A4GALT: variants seen among roughly 807,000 people sequenced by gnomAD.
A4GALT encodes the protein lactosylceramide 4-alpha-galactosyltransferase.
For missense variants in A4GALT, 512 were observed against 486.0 expected (o/e 1.05, Z -0.50); for synonymous variants, 257 against 220.7 (o/e 1.16, Z -1.46).
At chr22:42,714,119 A>G (rs550083362) in intron 1 of A4GALT, among the ~76,000 whole-genome samples, 1 of 151,938 alleles carries the variant, frequency 6.6e-6, no homozygotes, top group African/African-American at 2.4e-5. Context: ...ACATCACTAC[A>G]AAAAATAAAA....
Position 42,693,374 on chromosome 22 carries a change from G to C in A4GALT, c.578C>G (p.Thr193Arg). Residue 193 changes from threonine to arginine, a missense_variant, in exon 3 of 3, where the codon ACG becomes AGG. Transcript: ENST00000642412. The stretch of plus-strand genomic sequence containing the variant: ...CAGGTTCTTGAGAACAATGAAGTCC[G>C]TGTCCAGGTAGATGCCGCCGAACTT... ...MWKFGGIYLD[T>R]DFIVLKNLRN... 6.2e-7 allele frequency: 1 copy of C among 1,613,342 alleles called. No individual in the cohort carries two copies.
intron 1 of A4GALT, among the ~76,000 whole-genome samples, chr22:42,711,674 C>T (rs957454822): frequency 4.5e-4 from 69 of 152,012 alleles, no homozygotes; most frequent in Admixed American, 4.6e-4. Flanking sequence ...CGCTCTGTTG[C>T]CCAGGCTGCA....
At chr22:42,697,701 C>G (rs971938992) in intron 1 of A4GALT, among the ~76,000 whole-genome samples, 1 of 152,216 alleles carries the variant, frequency 6.6e-6, no homozygotes, top group Non-Finnish European at 1.5e-5. Flanking sequence ...CAGGTGACCT[C>G]AGGCCCAAAG....
intron 1 of A4GALT, among the ~76,000 whole-genome samples, chr22:42,706,331 G>A (rs1396098246): frequency 7.2e-6 from 1 of 138,176 alleles, no homozygotes; most frequent in Non-Finnish European, 1.5e-5. Context: ...CTCCAGCCTG[G>A]GTGACAGAGC....
At chr22:42,714,959 G>T (rs1013518455) in intron 1 of A4GALT, among the ~76,000 whole-genome samples, 1 of 151,664 alleles carries the variant, frequency 6.6e-6, no homozygotes, top group East Asian at 1.9e-4. Context: ...TGGAGTAAGT[G>T]ACTCAGGGAG....
chr22:42,697,069 T>C (rs1210047268), intron 1 of A4GALT, among the ~76,000 whole-genome samples: 1 of 151,816 alleles, frequency 6.6e-6, no homozygotes, highest in Non-Finnish European at 1.5e-5. Context: ...CATAACCCCA[T>C]GAGGATAGGT....
chr22:42,711,397 C>CA (rs1399549435), intron 1 of A4GALT, among the ~76,000 whole-genome samples: 1 of 152,256 alleles, frequency 6.6e-6, no homozygotes, highest in African/African-American at 2.4e-5. Flanking sequence ...ACATCTATCT[C>CA]ACTCTGGGGC....
Position 42,708,581 on chromosome 22 carries a change from G to A in A4GALT, c.-188+12216C>T, listed in dbSNP as rs1921374897. On this transcript the variant is annotated intron_variant, in intron 1 of 2. Coordinates refer to ENST00000642412, the MANE Select transcript of A4GALT (RefSeq NM_017436.7). ...AGGAAGGAAGGAAGGAAGGAAGGAA[G>A]GAAGGAAGGAAAAGAAATCAATTAG... 5.3e-5 allele frequency among the ~76,000 whole-genome samples: 8 copies of A among 150,910 alleles called. No homozygotes were observed. The South Asian group carries it at 1.7e-3, about 32-fold the overall frequency.
rs377531578 is a variant in A4GALT at position 42,693,756 on chromosome 22, G to T, written c.196C>A (p.Pro66Thr). The T allele has an allele frequency of 1.9e-6, 3 of 1,606,258 alleles. No homozygotes were observed. The highest frequency in any genetic ancestry group is 2.5e-6 in the Non-Finnish European group (3 of 1,176,590). ...GGGCCGTGGGAGGGTGGGGTGGGGG[G>T]TGTCAAGGTGGGGCAGGGGATCTCT... ...PAEIPCPTLTPPTPPSHGPTP... is the reference protein window; with the variant it reads ...PAEIPCPTLTTPTPPSHGPTP... The change falls in exon 3 of 3, where the codon CCC (proline) becomes ACC (threonine). Residue 66 changes from proline (P) to threonine (T), a missense_variant. Transcript: ENST00000642412.
intron 1 of A4GALT, among the ~76,000 whole-genome samples, chr22:42,698,414 G>A (rs909163579): frequency 4.6e-5 from 7 of 152,192 alleles, no homozygotes; most frequent in African/African-American, 1.4e-4. Flanking sequence ...CTCCAAGCTG[G>A]TGCTTTTCAT....
intron 1 of A4GALT, among the ~76,000 whole-genome samples, chr22:42,711,420 A>T (rs989337488): frequency 1.3e-5 from 2 of 152,344 alleles, no homozygotes; most frequent in African/African-American, 4.8e-5. Context: ...TATCCTACAG[A>T]TGAATGACAT....
At position 42,693,808 on chromosome 22, in the gene A4GALT, C is replaced by T; in HGVS notation, c.144G>A (p.Glu48=). 6.2e-7 allele frequency: 1 copy of T among 1,604,436 alleles called. No individual in the cohort carries two copies. Among genetic ancestry groups the T allele is most frequent in the Non-Finnish European group, 8.5e-7 (1 of 1,175,766 alleles). The change falls in exon 3 of 3, where the codon GAG becomes GAA. Residue 48 remains glutamate (E), a synonymous_variant. Transcript: ENST00000642412. ...IYWHVVGEPK[E]KGQLYNLPAE... Reference sequence around the variant, plus strand: ...CTGGCAGGTTATAGAGCTGCCCTTTCTCCTTGGGCTCTCCCACAACGTGCC... The same window carrying T: ...CTGGCAGGTTATAGAGCTGCCCTTTTTCCTTGGGCTCTCCCACAACGTGCC...
At chr22:42,695,296 G>T (rs1930846974) in intron 2 of A4GALT, 195 bp downstream of exon 2, 1 of 152,278 alleles carries the variant, frequency 6.6e-6, no homozygotes, top group African/African-American at 2.4e-5. Context: ...TGGGCATAAA[G>T]TCAAGGGACT....
intron 1 of A4GALT, among the ~76,000 whole-genome samples, chr22:42,716,390 G>A (rs1922179566): frequency 6.6e-6 from 1 of 152,170 alleles, no homozygotes; most frequent in Non-Finnish European, 1.5e-5. Context: ...TGTCAGGCCT[G>A]GAGCTGTGTG....
chr22:42,711,147 A>G (rs2147027832), intron 1 of A4GALT, among the ~76,000 whole-genome samples: 1 of 152,338 alleles, frequency 6.6e-6, no homozygotes, highest in African/African-American at 2.4e-5. Flanking sequence ...CCCCAAAACA[A>G]AATGGGCCAA....
At chr22:42,716,151 C>T (rs1922157787) in intron 1 of A4GALT, among the ~76,000 whole-genome samples, 1 of 152,090 alleles carries the variant, frequency 6.6e-6, no homozygotes, top group South Asian at 2.1e-4. Context: ...TAATTTAAAT[C>T]TTCAGATATG....
At chr22:42,700,305 A>G (rs1257691418) in intron 1 of A4GALT, among the ~76,000 whole-genome samples, 2 of 152,350 alleles carry the variant, frequency 1.3e-5, no homozygotes, top group African/African-American at 4.8e-5. Context: ...TGATGAGATG[A>G]GGAATGGCCC....
chr22:42,694,083 G>A, intron 2 of A4GALT, 86 bp from the exon 3 acceptor site: 1 of 852,324 alleles, frequency 1.2e-6, no homozygotes, highest in Non-Finnish European at 1.8e-6. Flanking sequence ...ATCAGCCAGA[G>A]CCAAGGCTGG....
intron 1 of A4GALT, among the ~76,000 whole-genome samples, chr22:42,707,291 C>T (rs1175589347): frequency 6.6e-6 from 1 of 152,050 alleles, no homozygotes; most frequent in Non-Finnish European, 1.5e-5. Flanking sequence ...AGCAATATGA[C>T]TAGAAATTAA....
Sources: allele counts gnomAD v4.1 joint callset (sites outside exome capture counted in the v4.1 genomes callset), GRCh38; gene constraint gnomAD v4.1.1; transcripts MANE v1.5; gene names NCBI Gene and HGNC (gene_info 2026-07-23, HGNC 2026-07-21).